The following LARGE1 variants were observed in gnomAD, a reference collection of about 807,000 sequenced individuals.
The protein encoded by LARGE1 is LARGE xylosyl- and glucuronyltransferase 1.
LARGE1 carries 43 observed loss-of-function variants against 87.6 expected under a neutral mutation model. That is an observed-to-expected ratio of 0.49 (90% CI 0.38 to 0.63). LARGE1 has a LOEUF of 0.63. Among genes scored for constraint, LARGE1 ranks in the 30% least tolerant of loss-of-function variants. The probability of loss-of-function intolerance (pLI) is 0.00; values close to 1 mark genes in which losing one functional copy is unlikely to be tolerated. For missense variants in LARGE1, 802 were observed against 1,000.2 expected (o/e 0.80, Z 2.67); for synonymous variants, 434 against 394.6 (o/e 1.10, Z -1.18).
In LARGE1 at chr22:33,916,231, A is replaced by C. The variant is rs959897775; in HGVS notation, c.-83+3764T>G. On this transcript the variant is annotated intron_variant, in intron 1 of 14. Transcript: ENST00000397394. ...GGGAGGCGGAGGTTGCAGTGAGCTA[A>C]GATCATGCCACTGCACTCTAGCCTG... Among the ~76,000 whole-genome samples the C allele has an allele frequency of 4.6e-5, 7 of 152,194 alleles. No individual in the cohort carries two copies. In the East Asian group the frequency reaches 1.2e-3, roughly 25 times the overall value.
chr22:33,226,004 T>C (rs922760859), intron 11 of LARGE1, among the ~76,000 whole-genome samples: 21 of 152,220 alleles, frequency 1.4e-4, no homozygotes, highest in Admixed American at 6.5e-5. Context: ...CTATGGTAAA[T>C]AGTGCTGCAA....
At chr22:33,369,242 C>T (rs1050395799) in intron 9 of LARGE1, among the ~76,000 whole-genome samples, 1 of 152,196 alleles carries the variant, frequency 6.6e-6, no homozygotes, top group Non-Finnish European at 1.5e-5. Context: ...GGAAGAGACA[C>T]AAGTCCAAAA....
rs978174810 is a variant in LARGE1, at chr22:33,360,754, G to A, written c.1131+21165C>T. ...TAAGTGAAAATGCTATATAAACTGC[G>A]TGATGTTTGCAGATAATTGCAGTTT... On this transcript the variant is annotated intron_variant, in intron 9 of 14. Transcript: ENST00000397394. Among the ~76,000 whole-genome samples the A allele has an allele frequency of 1.3e-5, 2 of 149,528 alleles. 1 individual carries two copies. The highest frequency in any genetic ancestry group is 4.9e-5 in the African/African-American group (2 of 40,606).
intron 9 of LARGE1, among the ~76,000 whole-genome samples, chr22:33,349,070 C>A (rs1276924861): frequency 6.6e-6 from 1 of 152,098 alleles, no homozygotes; most frequent in East Asian, 1.9e-4. Context: ...ACTGTGAGTC[C>A]ATTAAACCTC....
intron 9 of LARGE1, among the ~76,000 whole-genome samples, chr22:33,372,460 T>C (rs903686036): frequency 3.9e-5 from 6 of 152,204 alleles, no homozygotes; most frequent in African/African-American, 1.2e-4. Flanking sequence ...TTCCACGTGG[T>C]TGAGGAGGCC....
At chr22:33,738,840 G>T (rs371883174) in intron 2 of LARGE1, among the ~76,000 whole-genome samples, 1 of 136,456 alleles carries the variant, frequency 7.3e-6, no homozygotes, top group Non-Finnish European at 1.5e-5. Context: ...GCGAGACTCC[G>T]TCTCAAAAAA....
At chr22:33,373,638 GT>G (rs545946844) in intron 9 of LARGE1, among the ~76,000 whole-genome samples, 8 of 141,462 alleles carry the variant, frequency 5.7e-5, no homozygotes, top group African/African-American at 1.5e-4. Context: ...TCCTGTAACT[GT>G]TTTTTTTCCC....
At chr22:33,067,449 A>G in the LARGE1 span, among the ~76,000 whole-genome samples, 1 of 152,194 alleles carries the variant, frequency 6.6e-6, no homozygotes, top group African/African-American at 2.4e-5. Context: ...AATAATTAAT[A>G]ATAATACACT....
chr22:33,097,393 G>A, the LARGE1 span, among the ~76,000 whole-genome samples: 1 of 152,174 alleles, frequency 6.6e-6, no homozygotes, highest in Non-Finnish European at 1.5e-5. Context: ...CTCTTCACCA[G>A]ACAGTTAATT....
chr22:33,913,492 G>A lies in LARGE1; in HGVS notation c.-83+6503C>T, dbSNP rs113717138. 1.7e-4 allele frequency among the ~76,000 whole-genome samples: 26 copies of A among 152,238 alleles called. 1 individual carries two copies. The highest frequency in any genetic ancestry group is 1.2e-3 in the South Asian group (6 of 4,802). On this transcript the variant is annotated intron_variant, in intron 1 of 14. Transcript: ENST00000397394. ...TACAGTTGAATATTAGGCTCCTAGC[G>A]GGTTATTTGTTAAAACATTCGTTTA...
intron 2 of LARGE1, among the ~76,000 whole-genome samples, chr22:33,757,272 A>G (rs956339667): frequency 6.6e-6 from 1 of 152,162 alleles, no homozygotes; most frequent in African/African-American, 2.4e-5. Flanking sequence ...CATGCTCAGG[A>G]GCAAATCACA....
chr22:33,544,263 A>T (rs1340510821), intron 6 of LARGE1, among the ~76,000 whole-genome samples: 2 of 152,208 alleles, frequency 1.3e-5, no homozygotes, highest in Non-Finnish European at 2.9e-5. Context: ...AGTATGACAT[A>T]CACTGAGTCT....
intron 2 of LARGE1, among the ~76,000 whole-genome samples, chr22:33,696,664 T>C (rs532535418): frequency 6.6e-6 from 1 of 152,314 alleles, no homozygotes. Context: ...CATCTGATGT[T>C]GTTAGTTTTG....
rs537919850 is a variant in LARGE1 at position 33,340,326 on chromosome 22, T to C, written c.1132-2525A>G. ...AGCACACAGGGACCCAGGAGACTGATGGCTGGGCCAATCAGATGGCCTCTC... is the reference window on the plus strand; with the variant it reads ...AGCACACAGGGACCCAGGAGACTGACGGCTGGGCCAATCAGATGGCCTCTC... On this transcript the variant is annotated intron_variant, in intron 9 of 14. Transcript: ENST00000397394. Among the ~76,000 whole-genome samples, 49 of 151,882 alleles carry C rather than the reference T, an allele frequency of 3.2e-4. 1 individual carries two copies. The highest frequency in any genetic ancestry group is 1.1e-3 in the African/African-American group (44 of 41,174).
chr22:33,703,507 A>T (rs1399984230), intron 2 of LARGE1, among the ~76,000 whole-genome samples: 2 of 152,226 alleles, frequency 1.3e-5, no homozygotes, highest in African/African-American at 4.8e-5. Flanking sequence ...ATGATTAAAG[A>T]CCTAGAGGTG....
chr22:33,148,940 G>T, the LARGE1 span, among the ~76,000 whole-genome samples: 29 of 151,612 alleles, frequency 1.9e-4, no homozygotes, highest in Non-Finnish European at 4.4e-5. Context: ...AATTTGGAGA[G>T]TGATTTAAAA....
At chr22:33,644,981 C>T (rs2080561555) in intron 3 of LARGE1, among the ~76,000 whole-genome samples, 1 of 152,156 alleles carries the variant, frequency 6.6e-6, no homozygotes, top group Admixed American at 6.6e-5. Flanking sequence ...GGCCATACTG[C>T]CCGAAGTAAT....
chr22:33,803,154 T>C (rs935389437), intron 1 of LARGE1, among the ~76,000 whole-genome samples: 5 of 152,174 alleles, frequency 3.3e-5, no homozygotes, highest in Admixed American at 6.5e-5. Flanking sequence ...ATGACCCTCC[T>C]CTTAATAAAA....
intron 6 of LARGE1, among the ~76,000 whole-genome samples, chr22:33,468,334 A>G (rs756839381): frequency 1.3e-5 from 2 of 152,208 alleles, no homozygotes; most frequent in Non-Finnish European, 2.9e-5. Flanking sequence ...ATCTGGGTGC[A>G]GTGATGCCTC....
Sources: gnomAD v4.1 joint callset for allele counts (sites outside exome capture counted in the v4.1 genomes callset) on GRCh38, gnomAD v4.1.1 for gene constraint, MANE v1.5 for transcripts, NCBI Gene and HGNC (gene_info 2026-07-23, HGNC 2026-07-21) for gene names.